The following AFG1L variants were observed in gnomAD, a reference collection of about 807,000 sequenced individuals.
The protein encoded by AFG1L is AFG1 like ATPase, also known as AFG1-like ATPase.
Under a neutral mutation model 62.2 loss-of-function variants are expected in AFG1L, and 53 were observed. The observed-to-expected ratio is 0.85, with a 90% confidence interval of 0.68 to 1.07. The LOEUF (loss-of-function observed/expected upper bound fraction) is 1.07. AFG1L is among the 50% of genes least tolerant of loss of function. The pLI, the probability that AFG1L is intolerant of heterozygous loss-of-function variation, is 0.00. For missense variants in AFG1L, 555 were observed against 590.5 expected (o/e 0.94, Z 0.62); for synonymous variants, 228 against 210.3 (o/e 1.08, Z -0.73).
intron 6 of AFG1L, among the ~76,000 whole-genome samples, chr6:108,395,838 T>TAG (rs935643914): frequency 7.1e-5 from 10 of 141,832 alleles, no homozygotes; most frequent in Admixed American, 4.8e-4. Flanking sequence ...GGGAGAGAGA[T>TAG]AGAGAGAGAG....
intron 7 of AFG1L, among the ~76,000 whole-genome samples, chr6:108,445,970 C>G (rs1373393236): frequency 6.6e-6 from 1 of 151,910 alleles, no homozygotes; most frequent in Admixed American, 6.6e-5. Flanking sequence ...CAAACTTTCA[C>G]TTTGTAAAAA....
At chr6:108,414,798 A>G (rs1001692483) in intron 7 of AFG1L, among the ~76,000 whole-genome samples, 2 of 152,196 alleles carry the variant, frequency 1.3e-5, no homozygotes, top group African/African-American at 4.8e-5. Flanking sequence ...ATTTATGACA[A>G]ACCCACAGCC....
intron 10 of AFG1L, among the ~76,000 whole-genome samples, chr6:108,504,236 A>G (rs1774309935): frequency 6.6e-6 from 1 of 152,158 alleles, no homozygotes; most frequent in Non-Finnish European, 1.5e-5. Flanking sequence ...TTGACTTTTG[A>G]CATGCCTTCC....
chr6:108,329,246 G>A (rs1215897276), intron 2 of AFG1L, among the ~76,000 whole-genome samples: 1 of 149,858 alleles, frequency 6.7e-6, no homozygotes, highest in Non-Finnish European at 1.5e-5. Context: ...GGCCCTTATA[G>A]TTTCCTAAAC....
chr6:108,357,360 C>CA (rs1779331746), intron 5 of AFG1L, among the ~76,000 whole-genome samples: 1 of 152,048 alleles, frequency 6.6e-6, no homozygotes, highest in Non-Finnish European at 1.5e-5. Flanking sequence ...AAATTACAGG[C>CA]ATGAGCCATG....
Position 108,406,035 on chromosome 6 carries a change from A to G in AFG1L, c.807+3981A>G, listed in dbSNP as rs76653227. 8.8e-3 allele frequency among the ~76,000 whole-genome samples: 1,345 copies of G among 152,346 alleles called. 12 individuals are homozygous for G. The highest frequency in any genetic ancestry group is 0.013 in the Non-Finnish European group (871 of 68,032). On this transcript the variant is annotated intron_variant, in intron 7 of 12. Coordinates refer to ENST00000368977, the MANE Select transcript of AFG1L (RefSeq NM_145315.5). ...ATTTTGTTTATCCGTTCACCTGCCA[A>G]TGGGCATTTGGGTTGTTTCTACCTT...
At position 108,439,496 on chromosome 6, in the gene AFG1L, G is replaced by T. The variant is rs185986821; in HGVS notation, c.808-7718G>T. Among the ~76,000 whole-genome samples, 197 of 152,174 alleles carry T rather than the reference G, an allele frequency of 1.3e-3. No homozygotes were observed. The Middle Eastern group carries it at 0.017, about 13-fold the overall frequency. ...ATGGAAGAATCTCACAGACGTAAAA[G>T]AACCCTATCACAAAAGAATACATAC... On this transcript the variant is annotated intron_variant, in intron 7 of 12. Transcript: ENST00000368977.
intron 6 of AFG1L, 46 bp from the exon 7 acceptor site, chr6:108,401,950 C>T (rs771323937): frequency 2.4e-6 from 2 of 832,896 alleles, no homozygotes; most frequent in South Asian, 3.3e-5. Flanking sequence ...AAATTAACAT[C>T]ATGATTTAGG....
intron 10 of AFG1L, among the ~76,000 whole-genome samples, chr6:108,494,587 G>A (rs1182981698): frequency 6.6e-6 from 1 of 152,070 alleles, no homozygotes; most frequent in East Asian, 1.9e-4. Context: ...AGAACACCCT[G>A]AGAAGCAGAA....
intron 10 of AFG1L, among the ~76,000 whole-genome samples, chr6:108,505,053 T>C (rs993928768): frequency 7.2e-5 from 11 of 151,818 alleles, no homozygotes; most frequent in Non-Finnish European, 1.0e-4. Context: ...GCTGAATACT[T>C]AGAAAACCTC....
intron 6 of AFG1L, among the ~76,000 whole-genome samples, chr6:108,375,266 G>A (rs1405767339): frequency 6.6e-6 from 1 of 152,056 alleles, no homozygotes; most frequent in African/African-American, 2.4e-5. Context: ...GAATCATACT[G>A]TCTGTGAAGA....
intron 7 of AFG1L, among the ~76,000 whole-genome samples, chr6:108,436,439 G>A (rs1229485132): frequency 3.9e-5 from 6 of 151,928 alleles, no homozygotes; most frequent in Non-Finnish European, 5.9e-5. Flanking sequence ...CACCGCACCC[G>A]GCTGAGATTA....
At chr6:108,480,135 A>G (rs1374251914) in intron 10 of AFG1L, among the ~76,000 whole-genome samples, 1 of 152,192 alleles carries the variant, frequency 6.6e-6, no homozygotes, top group African/African-American at 2.4e-5. Flanking sequence ...CTGCAGGTTA[A>G]CATCTAGCTT....
At chr6:108,510,136 T>G in intron 10 of AFG1L, 76 bp from the exon 11 acceptor site, 1 of 1,139,518 alleles carries the variant, frequency 8.8e-7, no homozygotes. Flanking sequence ...GAAAGAGGTG[T>G]TTTTACACTA....
At chr6:108,409,482 C>T (rs548871962) in intron 7 of AFG1L, among the ~76,000 whole-genome samples, 1 of 152,086 alleles carries the variant, frequency 6.6e-6, no homozygotes, top group African/African-American at 2.4e-5. Context: ...CAGAGATGAA[C>T]TAACAAGTAA....
chr6:108,459,148 A>AGCAACT, intron 8 of AFG1L, among the ~76,000 whole-genome samples: 1 of 152,340 alleles, frequency 6.6e-6, no homozygotes, highest in African/African-American at 2.4e-5. Flanking sequence ...GCCCGTTTCA[A>AGCAACT]GTAGTTGCTT....
At chr6:108,311,060 A>C (rs1777385971) in intron 1 of AFG1L, among the ~76,000 whole-genome samples, 1 of 152,152 alleles carries the variant, frequency 6.6e-6, no homozygotes, top group Non-Finnish European at 1.5e-5. Context: ...TGCATTCTTT[A>C]AAACTTTTAA....
intron 6 of AFG1L, among the ~76,000 whole-genome samples, chr6:108,377,070 CT>C (rs542271862): frequency 5.3e-5 from 8 of 149,538 alleles, no homozygotes; most frequent in Non-Finnish European, 8.9e-5. Flanking sequence ...TTTTTTCTGC[CT>C]TTTTTTTTGG....
chr6:108,313,547 A>G (rs1412423850), intron 1 of AFG1L, among the ~76,000 whole-genome samples: 2 of 151,812 alleles, frequency 1.3e-5, no homozygotes, highest in East Asian at 1.9e-4. Flanking sequence ...TCTTTTATTT[A>G]TTTTCTTTAA....
Sources: gnomAD v4.1 joint callset for allele counts (sites outside exome capture counted in the v4.1 genomes callset) on GRCh38, gnomAD v4.1.1 for gene constraint, MANE v1.5 for transcripts, NCBI Gene and HGNC (gene_info 2026-07-23, HGNC 2026-07-21) for gene names.